LTBP1: variants seen among roughly 807,000 people sequenced by gnomAD.
LTBP1 encodes the protein latent transforming growth factor beta binding protein 1.
In LTBP1, 129 loss-of-function variants were observed where a neutral mutation model predicts 207.6. That is an observed-to-expected ratio of 0.62 (90% CI 0.54 to 0.72). The LOEUF is 0.72. Ranked by LOEUF, LTBP1 falls within the 30% of genes least tolerant of loss-of-function variation. The pLI, the probability that LTBP1 is intolerant of heterozygous loss-of-function variation, is 0.00. For synonymous variants in LTBP1, 963 were observed against 833.7 expected (o/e 1.16, Z -2.67); for missense variants, 2,281 against 2,217.2 (o/e 1.03, Z -0.58).
chr2:33,252,118 T>G (rs1401021919), intron 10 of LTBP1, among the ~76,000 whole-genome samples: 1 of 152,188 alleles, frequency 6.6e-6, no homozygotes, highest in African/African-American at 2.4e-5. Flanking sequence ...GGGCCTTGTG[T>G]GGCACTCGAA....
At chr2:33,339,341 C>T (rs2094589109) in intron 24 of LTBP1, among the ~76,000 whole-genome samples, 1 of 152,110 alleles carries the variant, frequency 6.6e-6, no homozygotes, top group Admixed American at 6.5e-5. Flanking sequence ...GGGAAATCAT[C>T]AGTATGTAAA....
intron 3 of LTBP1, among the ~76,000 whole-genome samples, chr2:33,100,860 T>G (rs1353058003): frequency 6.6e-6 from 1 of 152,244 alleles, no homozygotes; most frequent in Non-Finnish European, 1.5e-5. Context: ...ATCTGTGTTG[T>G]AGCCTGTGTT....
chr2:33,165,183 C>A (rs2084813180), intron 5 of LTBP1, among the ~76,000 whole-genome samples: 1 of 152,104 alleles, frequency 6.6e-6, no homozygotes, highest in Non-Finnish European at 1.5e-5. Context: ...GAATGTCCCT[C>A]CTGGCTATGG....
intron 3 of LTBP1, among the ~76,000 whole-genome samples, chr2:33,053,345 A>G (rs1421751504): frequency 6.6e-6 from 1 of 152,208 alleles, no homozygotes; most frequent in African/African-American, 2.4e-5. Flanking sequence ...ATGAACCTAC[A>G]TTGACACATC....
intron 5 of LTBP1, among the ~76,000 whole-genome samples, chr2:33,137,850 A>G (rs1270678116): frequency 6.6e-6 from 1 of 152,162 alleles, no homozygotes; most frequent in African/African-American, 2.4e-5. Flanking sequence ...GAACCTAGAT[A>G]TCCTTATGCC....
intron 7 of LTBP1, among the ~76,000 whole-genome samples, chr2:33,201,879 C>T (rs913482734): frequency 6.6e-6 from 1 of 152,022 alleles, no homozygotes; most frequent in Non-Finnish European, 1.5e-5. Flanking sequence ...GTTAGAGATG[C>T]CAGAAGTTGT....
At chr2:33,114,742 A>T (rs2080633418) in intron 4 of LTBP1, among the ~76,000 whole-genome samples, 1 of 152,190 alleles carries the variant, frequency 6.6e-6, no homozygotes, top group African/African-American at 2.4e-5. Flanking sequence ...CTGGTTGCTT[A>T]TAGAAAACCT....
chr2:32,977,031 G>A (rs107195), intron 2 of LTBP1, among the ~76,000 whole-genome samples: 71,383 of 152,114 alleles, frequency 0.47, 18,791 homozygotes, highest in East Asian at 0.68. Context: ...TGGTGGAGGT[G>A]GGTGGAGATG....
intron 3 of LTBP1, among the ~76,000 whole-genome samples, chr2:33,098,179 T>G (rs1247459050): frequency 1.3e-5 from 2 of 152,224 alleles, no homozygotes; most frequent in Non-Finnish European, 2.9e-5. Context: ...TCATTATGAT[T>G]GCCTTTTCCT....
In LTBP1 at chr2:33,264,809, A is replaced by G. The variant is rs112008776; in HGVS notation, c.2617+1417A>G. On this transcript the variant is annotated intron_variant, in intron 15 of 33. Coordinates refer to ENST00000404816, the MANE Select transcript of LTBP1 (RefSeq NM_206943.4). ...TCCAGAGAGACAGAACCAACAGGAT[A>G]TATCCAGATATGTAGAAAGAGCTTT... 7.7e-4 allele frequency among the ~76,000 whole-genome samples: 118 copies of G among 152,312 alleles called. No homozygotes were observed. The Middle Eastern group carries it at 0.017, about 22-fold the overall frequency.
At chr2:33,297,356 C>T (rs184372697) in intron 20 of LTBP1, among the ~76,000 whole-genome samples, 1 of 152,046 alleles carries the variant, frequency 6.6e-6, no homozygotes, top group East Asian at 1.9e-4. Context: ...GATGAGAAAG[C>T]TCACACAGCT....
intron 5 of LTBP1, among the ~76,000 whole-genome samples, chr2:33,172,690 A>G (rs948163030): frequency 6.6e-6 from 1 of 152,226 alleles, no homozygotes; most frequent in Non-Finnish European, 1.5e-5. Context: ...CCCCAAATCA[A>G]CAGAGTATAC....
chr2:33,149,195 A>G (rs1383696069), intron 5 of LTBP1, among the ~76,000 whole-genome samples: 1 of 144,758 alleles, frequency 6.9e-6, no homozygotes, highest in Non-Finnish European at 1.5e-5. Context: ...AGCCTGGGTG[A>G]CAGAGCGAGA....
chr2:33,397,391 G>A, intron 33 of LTBP1, 109 bp downstream of exon 33: 1 of 1,275,392 alleles, frequency 7.8e-7, no homozygotes, highest in East Asian at 2.3e-5. Context: ...TTGAGAAGAT[G>A]AGAAAAGTTC....
intron 18 of LTBP1, among the ~76,000 whole-genome samples, chr2:33,277,703 G>A (rs1033635739): frequency 6.6e-6 from 1 of 151,192 alleles, no homozygotes; most frequent in Non-Finnish European, 1.5e-5. Flanking sequence ...AAGCATTTAT[G>A]TGCAGAGCAG....
intron 4 of LTBP1, among the ~76,000 whole-genome samples, chr2:33,128,648 G>A (rs1375261935): frequency 6.6e-6 from 1 of 152,156 alleles, no homozygotes; most frequent in Non-Finnish European, 1.5e-5. Context: ...GAACTGTGAT[G>A]CCCTTCACTC....
chr2:33,363,518 G>T lies in LTBP1; in HGVS notation c.4399G>T (p.Asp1467Tyr). The T allele has an allele frequency of 1.2e-6, 2 of 1,613,576 alleles. No homozygotes were observed. Among genetic ancestry groups the T allele is most frequent in the South Asian group, 2.2e-5 (2 of 91,036 alleles). The change falls in exon 29 of 34, where the codon GAT becomes TAT. Residue 1467 changes from aspartate to tyrosine, a missense_variant and splice_region_variant. Around this residue, in one of 3 missense-constraint regions of LTBP1, gnomAD observed 1,671 missense variants for 1,634.8 expected, o/e 1.02. Transcript: ENST00000404816. ...YYDPVKLQCFDMDECQDPSSC... is the reference protein window; with the variant it reads ...YYDPVKLQCFYMDECQDPSSC... ...TGATCCTGTGAAACTGCAGTGCTTT[G>T]GTAAGCTTTAGGGGGATATAGTATG...
intron 24 of LTBP1, among the ~76,000 whole-genome samples, chr2:33,323,857 T>G (rs1176175477): frequency 6.6e-6 from 1 of 152,222 alleles, no homozygotes; most frequent in East Asian, 1.9e-4. Context: ...AATTCTCTAA[T>G]GCACACCCTG....
intron 7 of LTBP1, among the ~76,000 whole-genome samples, chr2:33,208,379 C>A (rs2090033375): frequency 6.6e-6 from 1 of 152,164 alleles, no homozygotes; most frequent in Non-Finnish European, 1.5e-5. Context: ...ATTATAGCTA[C>A]CCAATATAAT....
Sources: allele counts gnomAD v4.1 joint callset (sites outside exome capture counted in the v4.1 genomes callset), GRCh38; gene constraint gnomAD v4.1.1; regional missense constraint gnomAD v4.1.1; transcripts MANE v1.5; gene names NCBI Gene and HGNC (gene_info 2026-07-23, HGNC 2026-07-21).